The following PDE4B variants were observed in gnomAD, a reference collection of about 807,000 sequenced individuals.
PDE4B encodes phosphodiesterase 4B.
A neutral mutation model predicts 82.2 loss-of-function variants in PDE4B; 20 were observed. The ratio of observed to expected loss-of-function variants is 0.24; its 90% CI spans 0.17 to 0.35. The LOEUF (loss-of-function observed/expected upper bound fraction) is 0.35, where lower values mean the gene tolerates loss of function less well. PDE4B is among the 10% of genes least tolerant of loss of function. The probability of loss-of-function intolerance (pLI) is 1.00; values close to 1 mark genes in which losing one functional copy is unlikely to be tolerated. For synonymous variants in PDE4B, 320 were observed against 318.9 expected (o/e 1.00, Z -0.04); for missense variants, 655 against 907.2 (o/e 0.72, Z 3.57).
intron 3 of PDE4B, among the ~76,000 whole-genome samples, chr1:66,020,944 C>T (rs1198454257): frequency 6.6e-5 from 10 of 152,156 alleles, no homozygotes; most frequent in African/African-American, 7.2e-5. Context: ...AGTGTAAAAG[C>T]GTTCCTACTC....
At chr1:66,358,114 C>T (rs1662410696) in intron 9 of PDE4B, among the ~76,000 whole-genome samples, 1 of 152,144 alleles carries the variant, frequency 6.6e-6, no homozygotes, top group South Asian at 2.1e-4. Flanking sequence ...GTCCAATTCC[C>T]TCATTTTATA....
chr1:66,094,045 A>C (rs1051680174), intron 3 of PDE4B, among the ~76,000 whole-genome samples: 2 of 152,092 alleles, frequency 1.3e-5, no homozygotes, highest in Non-Finnish European at 2.9e-5. Flanking sequence ...TAATCTAATA[A>C]ATTATAATTC....
At chr1:65,926,831 GA>G (rs1237750105) in intron 3 of PDE4B, among the ~76,000 whole-genome samples, 1 of 151,430 alleles carries the variant, frequency 6.6e-6, no homozygotes, top group Non-Finnish European at 1.5e-5. Context: ...TCAAACTTCA[GA>G]AAACCAAAGA....
chr1:66,134,650 C>A (rs1646018685), intron 3 of PDE4B, among the ~76,000 whole-genome samples: 2 of 152,140 alleles, frequency 1.3e-5, no homozygotes. Flanking sequence ...AGGCTATTTC[C>A]TTATTTTAAA....
At position 65,809,902 on chromosome 1, in the gene PDE4B, T is replaced by C. The variant is rs538370300; in HGVS notation, c.-71+16654T>C. ...TATCTTGATAAATCATGCCTTGTGCTTAACTTATTTATGAATAGTTTCTGC... is the reference window on the plus strand; with the variant it reads ...TATCTTGATAAATCATGCCTTGTGCCTAACTTATTTATGAATAGTTTCTGC... On this transcript the variant is annotated intron_variant, in intron 1 of 16. Transcript: ENST00000341517. Among the ~76,000 whole-genome samples, 5 of 152,374 alleles carry C rather than the reference T, an allele frequency of 3.3e-5. No individual in the cohort carries two copies. The South Asian group carries it at 1.0e-3, about 32-fold the overall frequency.
At chr1:65,838,521 A>G (rs150104395) in intron 1 of PDE4B, among the ~76,000 whole-genome samples, 1 of 147,892 alleles carries the variant, frequency 6.8e-6, no homozygotes, top group African/African-American at 2.5e-5. Flanking sequence ...ATATATATGT[A>G]TATGTATATA....
chr1:66,224,990 G>T (rs1651319039), intron 3 of PDE4B, among the ~76,000 whole-genome samples: 1 of 152,156 alleles, frequency 6.6e-6, no homozygotes, highest in Non-Finnish European at 1.5e-5. Context: ...AATGTGTTCT[G>T]CCTTTTCTTT....
chr1:65,827,075 A>G (rs1646027299), intron 1 of PDE4B, among the ~76,000 whole-genome samples: 1 of 152,204 alleles, frequency 6.6e-6, no homozygotes, highest in Non-Finnish European at 1.5e-5. Context: ...ACTGCGTGTA[A>G]TCATAGCAAC....
At chr1:66,255,393 G>C (rs12036518) in intron 4 of PDE4B, among the ~76,000 whole-genome samples, 32,116 of 152,116 alleles carry the variant, frequency 0.21, 6,996 homozygotes, top group African/African-American at 0.54. Context: ...CAGCCTGGGT[G>C]ATTTCTTTCT....
intron 3 of PDE4B, among the ~76,000 whole-genome samples, chr1:66,207,366 G>T (rs1199523527): frequency 1.3e-5 from 2 of 152,130 alleles, no homozygotes; most frequent in African/African-American, 4.8e-5. Flanking sequence ...TTCAGAAACT[G>T]AACCCCAATT....
At chr1:65,884,052 G>A (rs1469226093) in intron 1 of PDE4B, among the ~76,000 whole-genome samples, 2 of 152,034 alleles carry the variant, frequency 1.3e-5, no homozygotes, top group Admixed American at 6.6e-5. Flanking sequence ...TGCTGGATTT[G>A]GTTTGCCAGT....
chr1:66,229,757 A>G (rs887796125), intron 3 of PDE4B, among the ~76,000 whole-genome samples: 3 of 152,158 alleles, frequency 2.0e-5, no homozygotes, highest in Non-Finnish European at 2.9e-5. Context: ...CTAAAAAAAA[A>G]ACCCTGCAGA....
intron 3 of PDE4B, among the ~76,000 whole-genome samples, chr1:65,955,259 T>C (rs2100581659): frequency 6.6e-6 from 1 of 152,242 alleles, no homozygotes; most frequent in Non-Finnish European, 1.5e-5. Flanking sequence ...CTTCAGGCAC[T>C]GACACATAAA....
intron 3 of PDE4B, among the ~76,000 whole-genome samples, chr1:66,033,519 T>G (rs1365091127): frequency 3.3e-5 from 5 of 152,224 alleles, no homozygotes; most frequent in Non-Finnish European, 7.3e-5. Context: ...CATGCTATTC[T>G]TCAATTTATT....
Position 66,136,667 on chromosome 1 carries a change from C to T in PDE4B, c.282-110793C>T, listed in dbSNP as rs547118000. ...GAGCCAAGATTGCACAACTGCAATCCAGTCTGAACGACAGAGCAAGACTCC... is the reference window on the plus strand; with the variant it reads ...GAGCCAAGATTGCACAACTGCAATCTAGTCTGAACGACAGAGCAAGACTCC... On this transcript the variant is annotated intron_variant, in intron 3 of 16. Transcript: ENST00000341517. Among the ~76,000 whole-genome samples the T allele has an allele frequency of 7.0e-5, 9 of 128,120 alleles. No homozygotes were observed. In the South Asian group the frequency reaches 2.2e-3, roughly 32 times the overall value. 84.1% of individuals were successfully genotyped at this position (128,120 alleles called of 152,430 possible).
At chr1:66,355,024 A>T in intron 8 of PDE4B, 1 of 728,080 alleles carries the variant, frequency 1.4e-6, no homozygotes, top group South Asian at 1.8e-5. Context: ...GGGACCTCTT[A>T]TTTTGAAATA....
At chr1:66,122,638 T>C (rs1645733816) in intron 3 of PDE4B, among the ~76,000 whole-genome samples, 1 of 151,864 alleles carries the variant, frequency 6.6e-6, no homozygotes, top group Admixed American at 6.6e-5. Context: ...GAACATGACA[T>C]ATTTTATGTA....
chr1:66,045,501 C>G (rs945364771), intron 3 of PDE4B, among the ~76,000 whole-genome samples: 1 of 151,646 alleles, frequency 6.6e-6, no homozygotes, highest in African/African-American at 2.4e-5. Flanking sequence ...AGAAATTTCT[C>G]CTGCAAAAAT....
At chr1:65,985,721 T>C (rs1477733322) in intron 3 of PDE4B, among the ~76,000 whole-genome samples, 1 of 152,146 alleles carries the variant, frequency 6.6e-6, no homozygotes, top group African/African-American at 2.4e-5. Flanking sequence ...GATTTAATGA[T>C]GACCTAGGGA....
Sources: gnomAD v4.1 joint callset for allele counts (sites outside exome capture counted in the v4.1 genomes callset) on GRCh38, gnomAD v4.1.1 for gene constraint, MANE v1.5 for transcripts, NCBI Gene and HGNC (gene_info 2026-07-23, HGNC 2026-07-21) for gene names.